APOO: variants seen among roughly 807,000 people sequenced by gnomAD.
APOO encodes MICOS complex subunit MIC26.
Under a neutral mutation model 23.1 loss-of-function variants are expected in APOO, and 11 were observed. The ratio of observed to expected loss-of-function variants is 0.48; its 90% CI spans 0.30 to 0.79. The LOEUF (loss-of-function observed/expected upper bound fraction) is 0.79. APOO is among the 30% of genes least tolerant of loss of function. The pLI, the probability that APOO is intolerant of heterozygous loss-of-function variation, is 0.07. For missense variants in APOO, 160 were observed against 142.7 expected, an observed-to-expected ratio of 1.12 and a Z score of -0.62; for synonymous variants, 59 against 54.8, an observed-to-expected ratio of 1.08 and a Z score of -0.34.
chrX:23,852,434 TA>T (rs1924584247), intron 7 of APOO, among the ~76,000 whole-genome samples: 1 of 109,852 alleles, frequency 9.1e-6, no homozygotes. Context: ...CCATCTCTAC[TA>T]AAAATACTAA....
intron 7 of APOO, among the ~76,000 whole-genome samples, chrX:23,855,787 G>A (rs1290219254): frequency 1.8e-5 from 2 of 111,923 alleles, no homozygotes; most frequent in Non-Finnish European, 3.8e-5. Flanking sequence ...ACAGCACAGA[G>A]AACGTGGCCT....
At chrX:23,870,029 C>T (rs1925538047) in intron 4 of APOO, among the ~76,000 whole-genome samples, 1 of 110,946 alleles carries the variant, frequency 9.0e-6, no homozygotes, top group Non-Finnish European at 1.9e-5. Context: ...ACTCATTACT[C>T]GAACAGAAGA....
chrX:23,882,241 CT>C (rs1926180263), intron 1 of APOO, among the ~76,000 whole-genome samples: 1 of 111,961 alleles, frequency 8.9e-6, no homozygotes, highest in African/African-American at 3.2e-5. Flanking sequence ...AACAACCACC[CT>C]TTTTTTTCTT....
At chrX:23,853,872 C>T (rs774921865) in intron 7 of APOO, among the ~76,000 whole-genome samples, 1 of 109,640 alleles carries the variant, frequency 9.1e-6, no homozygotes, top group African/African-American at 3.3e-5. Context: ...AGGCTCAAAG[C>T]GATTTGCCTG....
intron 8 of APOO, among the ~76,000 whole-genome samples, 166 bp from the exon 9 acceptor site, chrX:23,833,778 T>A (rs1923522183): frequency 9.0e-6 from 1 of 111,039 alleles, no homozygotes; most frequent in Non-Finnish European, 1.9e-5. Flanking sequence ...GGTCAGAAGT[T>A]CGAGACCAGC....
chrX:23,867,078 C>T (rs919626069), intron 5 of APOO, among the ~76,000 whole-genome samples: 2 of 109,613 alleles, frequency 1.8e-5, no homozygotes, highest in Non-Finnish European at 3.8e-5. Context: ...CCAGCCTGGG[C>T]GACAGAGTGA....
At chrX:23,889,504 T>G (rs1240645527) in intron 1 of APOO, among the ~76,000 whole-genome samples, 1 of 109,709 alleles carries the variant, frequency 9.1e-6, no homozygotes, top group Non-Finnish European at 1.9e-5. Context: ...TAGTGAATAC[T>G]CTCTCCCATT....
chrX:23,904,178 T>C (rs963478117), intron 1 of APOO, among the ~76,000 whole-genome samples: 4 of 111,565 alleles, frequency 3.6e-5, no homozygotes, highest in African/African-American at 1.3e-4. Flanking sequence ...GTCTCTATTC[T>C]CCCTCTTCCT....
intron 1 of APOO, among the ~76,000 whole-genome samples, chrX:23,887,524 G>A (rs963382216): frequency 6.3e-5 from 7 of 110,402 alleles, no homozygotes; most frequent in Non-Finnish European, 1.3e-4. Context: ...GAGCCACTGT[G>A]CCCGGCCTCC....
intron 7 of APOO, among the ~76,000 whole-genome samples, chrX:23,841,094 G>C (rs1474681832): frequency 8.9e-6 from 1 of 111,993 alleles, no homozygotes; most frequent in African/African-American, 3.2e-5. Context: ...TGAAAAACAG[G>C]AGGCTGCAGC....
At chrX:23,873,617 AAAC>A (rs1440840661) in intron 4 of APOO, among the ~76,000 whole-genome samples, 2 of 110,823 alleles carry the variant, frequency 1.8e-5, no homozygotes, top group African/African-American at 6.6e-5. Flanking sequence ...AAAAAAAAAA[AAAC>A]AAAAAACCAG....
intron 1 of APOO, among the ~76,000 whole-genome samples, chrX:23,887,175 G>A (rs1187317134): frequency 9.3e-6 from 1 of 107,366 alleles, no homozygotes; most frequent in East Asian, 2.9e-4. Context: ...TGATATAATC[G>A]GACTGAATAT....
At chrX:23,873,243 TAA>T (rs1382511481) in intron 4 of APOO, among the ~76,000 whole-genome samples, 1 of 111,174 alleles carries the variant, frequency 9.0e-6, no homozygotes, top group Non-Finnish European at 1.9e-5. Flanking sequence ...ACCTGACATA[TAA>T]GTCTTAAATA....
At chrX:23,905,772 C>A (rs1037744308) in intron 1 of APOO, among the ~76,000 whole-genome samples, 1 of 112,466 alleles carries the variant, frequency 8.9e-6, no homozygotes, top group African/African-American at 3.2e-5. Context: ...TACTAGCCCA[C>A]TAAACAAAAA....
chrX:23,893,313 T>A (rs1419698965), intron 1 of APOO, among the ~76,000 whole-genome samples: 1 of 107,204 alleles, frequency 9.3e-6, no homozygotes, highest in East Asian at 2.9e-4. Context: ...GAACCTGTAG[T>A]CCCAGATACT....
intron 5 of APOO, among the ~76,000 whole-genome samples, chrX:23,867,065 A>T (rs1389691171): frequency 1.8e-5 from 2 of 111,036 alleles, no homozygotes; most frequent in Non-Finnish European, 3.8e-5. Flanking sequence ...GTGCCACTGC[A>T]CTCCAGCCTG....
intron 7 of APOO, among the ~76,000 whole-genome samples, chrX:23,854,341 G>A (rs1381219571): frequency 8.9e-6 from 1 of 111,840 alleles, no homozygotes; most frequent in African/African-American, 3.2e-5. Context: ...GCACTCCGGG[G>A]AGCCTGGGGG....
At chrX:23,895,996 G>A (rs921719605) in intron 1 of APOO, among the ~76,000 whole-genome samples, 4 of 110,861 alleles carry the variant, frequency 3.6e-5, no homozygotes, top group South Asian at 3.8e-4. Context: ...AGGGCCGGGC[G>A]CAGTGGCTCA....
chrX:23,902,855 C>T (rs181619401), intron 1 of APOO, among the ~76,000 whole-genome samples: 38 of 111,126 alleles, frequency 3.4e-4, no homozygotes, highest in African/African-American at 1.2e-3. Flanking sequence ...TCAATCCTAC[C>T]GTTTACTCCA....
Sources: allele counts gnomAD v4.1 joint callset (sites outside exome capture counted in the v4.1 genomes callset), GRCh38; gene constraint gnomAD v4.1.1; transcripts MANE v1.5; gene names NCBI Gene and HGNC (gene_info 2026-07-23, HGNC 2026-07-21).